The following CHRNB1 variants were observed in gnomAD, a reference collection of about 807,000 sequenced individuals.
The protein encoded by CHRNB1 is cholinergic receptor nicotinic beta 1 subunit.
CHRNB1 carries 47 observed loss-of-function variants against 53.8 expected under a neutral mutation model. That is an observed-to-expected ratio of 0.87 (90% CI 0.69 to 1.11). The LOEUF (loss-of-function observed/expected upper bound fraction) is 1.11, where lower values mean the gene tolerates loss of function less well. CHRNB1 is among the 50% of genes most tolerant of loss of function. CHRNB1 has a pLI of 0.00. For synonymous variants in CHRNB1, 259 were observed against 263.5 expected (o/e 0.98, Z 0.16); for missense variants, 605 against 654.9 (o/e 0.92, Z 0.83).
At chr17:7,448,835 C>T in intron 7 of CHRNB1, 47 bp downstream of exon 7, 1 of 1,586,100 alleles carries the variant, frequency 6.3e-7, no homozygotes, top group South Asian at 1.1e-5. Flanking sequence ...GGCTCAGCTT[C>T]TTACTCTTTA....
In CHRNB1 at chr17:7,445,777, G is replaced by A; in HGVS notation, c.199-292G>A. The stretch of plus-strand genomic sequence containing the variant: ...AATAAATGGCAGCGGGTGGAGGTTC[G>A]GGGCTGGGTGGATTATGAGCTGAAG... On this transcript the variant is annotated intron_variant, in intron 2 of 10. Coordinates refer to ENST00000306071, the MANE Select transcript of CHRNB1 (RefSeq NM_000747.3). This position sits in a 1 kb window ranked among gnomAD's most constrained non-coding sequence, Gnocchi z 5.7. 1.6e-6 allele frequency: 1 copy of A among 642,874 alleles called. No individual in the cohort carries two copies. Among genetic ancestry groups the A allele is most frequent in the Non-Finnish European group, 2.6e-6 (1 of 379,460 alleles). 39.8% of individuals were successfully genotyped at this position (642,874 alleles called of 1,614,324 possible). A position where few individuals can be genotyped will look rare whatever the true frequency, so the allele number is the denominator to read the frequency against.
rs747251351 is a variant in CHRNB1 at position 7,456,699 on chromosome 17, G to T, written c.1482G>T (p.Leu494Phe). 1.2e-6 allele frequency: 2 copies of T among 1,614,018 alleles called. No individual in the cohort carries two copies. Among genetic ancestry groups the T allele is most frequent in the African/African-American group, 2.7e-5 (2 of 74,896 alleles). Reference sequence around the variant, plus strand: ...TCTTCCTGGACGCCACGTACCACTTGCCCCCTCCAGACCCCTTTCCTTGAA... The same window carrying T: ...TCTTCCTGGACGCCACGTACCACTTTCCCCCTCCAGACCCCTTTCCTTGAA... The part of the protein sequence containing the change: ...LVIFLDATYH[L>F]PPPDPFP Residue 494 changes from leucine to phenylalanine, a missense_variant, in exon 11 of 11, where the codon TTG (leucine) becomes TTT (phenylalanine). Coordinates refer to ENST00000306071, the MANE Select transcript of CHRNB1 (RefSeq NM_000747.3).
Position 7,445,959 on chromosome 17 carries a change from TG to T in CHRNB1, c.199-106del. ...GGAGGTGGACTTGGACCCGAGAGGA[TG>T]GGGCTCAGAAAAAGGGGGCGGCGTT... On this transcript the variant is annotated intron_variant, in intron 2 of 10. Coordinates refer to ENST00000306071, the MANE Select transcript of CHRNB1 (RefSeq NM_000747.3). This position sits in a 1 kb window ranked among gnomAD's most constrained non-coding sequence, Gnocchi z 5.7. The T allele has an allele frequency of 2.1e-6, 2 of 950,688 alleles. No individual in the cohort carries two copies. Among genetic ancestry groups the T allele is most frequent in the Non-Finnish European group, 3.4e-6 (2 of 580,970 alleles). The allele number at this position is 950,688 out of a possible 1,614,324, so 58.9% of individuals were successfully genotyped here.
At position 7,455,423 on chromosome 17, in the gene CHRNB1, C is replaced by T. The variant is rs1597755005; in HGVS notation, c.1184C>T (p.Pro395Leu). ...RGTDEYFIRK[P>L]PSDFLFPKPN... The stretch of plus-strand genomic sequence containing the variant: ...ACAGATGAATATTTCATCCGGAAGC[C>T]GCCAAGTGATTTTCTCTTCCCCAAA... The change falls in exon 9 of 11, where the codon CCG becomes CTG. Residue 395 changes from proline to leucine, a missense_variant. Coordinates refer to ENST00000306071, the MANE Select transcript of CHRNB1 (RefSeq NM_000747.3). 1 of 1,614,110 alleles carries T rather than the reference C, an allele frequency of 6.2e-7. No individual in the cohort carries two copies. Among genetic ancestry groups the T allele is most frequent in the African/African-American group, 1.3e-5 (1 of 75,002 alleles).
chr17:7,451,309 C>T (rs867613991), intron 7 of CHRNB1, among the ~76,000 whole-genome samples: 1 of 120,824 alleles, frequency 8.3e-6, no homozygotes, highest in Admixed American at 1.1e-4. Context: ...CAGAGTCTTG[C>T]TCTGTCTCCC....
At chr17:7,448,456 GT>G in intron 6 of CHRNB1, 122 bp from the exon 7 acceptor site, 1 of 857,276 alleles carries the variant, frequency 1.2e-6, no homozygotes, top group Non-Finnish European at 1.9e-6. Context: ...ACTCAGCCCA[GT>G]TTTCACAGCT....
chr17:7,450,193 G>GA (rs1296371908), intron 7 of CHRNB1, among the ~76,000 whole-genome samples: 1 of 150,432 alleles, frequency 6.6e-6, no homozygotes, highest in Non-Finnish European at 1.5e-5. Context: ...GCCCAGGCTG[G>GA]AATGCAGTGG....
chr17:7,447,349 C>A (rs997917793), intron 5 of CHRNB1, 154 bp from the exon 6 acceptor site: 4 of 968,806 alleles, frequency 4.1e-6, no homozygotes, highest in Non-Finnish European at 6.4e-6. Flanking sequence ...ACTCAGTGAC[C>A]GCCCTCCCCA....
Position 7,457,003 on chromosome 17 carries a change from T to C in CHRNB1, c.*280T>C. The stretch of plus-strand genomic sequence containing the variant: ...AATAGAACACAGAACAGGAACTAGA[T>C]TATAAGCCTTATGAGGTCAAGAAAT... On this transcript the variant is annotated 3_prime_UTR_variant, in exon 11 of 11. Transcript: ENST00000306071. The C allele has an allele frequency of 2.2e-6, 1 of 462,690 alleles. No homozygotes were observed. Among genetic ancestry groups the C allele is most frequent in the Non-Finnish European group, 4.0e-6 (1 of 251,320 alleles). The allele number at this position is 462,690 out of a possible 1,614,324, so 28.7% of individuals were successfully genotyped here. A position where few individuals can be genotyped will look rare whatever the true frequency, so the allele number is the denominator to read the frequency against.
intron 4 of CHRNB1, 50 bp downstream of exon 4, chr17:7,446,992 G>A (rs368014931): frequency 6.2e-7 from 1 of 1,604,832 alleles, no homozygotes; most frequent in African/African-American, 1.3e-5. Flanking sequence ...TCGGGGGGCG[G>A]GGGGCCTCCG....
At position 7,445,269 on chromosome 17, in the gene CHRNB1, G is replaced by T; in HGVS notation, c.59-1G>T. On this transcript the variant is annotated splice_acceptor_variant, in intron 1 of 10. Transcript: ENST00000306071. LOFTEE classifies it high-confidence loss of function. This position sits in a 1 kb window ranked among gnomAD's most constrained non-coding sequence, Gnocchi z 5.7. Reference sequence around the variant, plus strand: ...GCTGCACTTATTCTCTCCTCCCCCAGGCGTCCGCGGCTCGGAGGCGGAGGG... The same window carrying T: ...GCTGCACTTATTCTCTCCTCCCCCATGCGTCCGCGGCTCGGAGGCGGAGGG... 6.2e-7 allele frequency: 1 copy of T among 1,612,904 alleles called. No individual in the cohort carries two copies. The highest frequency in any genetic ancestry group is 8.5e-7 in the Non-Finnish European group (1 of 1,179,756).
rs779173795 is a variant in CHRNB1, at chr17:7,447,121, G to A, written c.432G>A (p.Pro144=). The stretch of plus-strand genomic sequence containing the variant: ...ACGGCTCCGTGCGTTGGCAACCCCC[G>A]GGCATCTATCGCAGCAGCTGCAGCA... ...SSDGSVRWQP[P]GIYRSSCSIQ... Residue 144 remains proline, a synonymous_variant, in exon 5 of 11, where the codon CCG becomes CCA. Transcript: ENST00000306071. 12 of 1,613,948 alleles carry A rather than the reference G, an allele frequency of 7.4e-6. No homozygotes were observed. Among genetic ancestry groups the A allele is most frequent in the Non-Finnish European group, 9.3e-6 (11 of 1,180,002 alleles).
intron 6 of CHRNB1, among the ~76,000 whole-genome samples, 172 bp downstream of exon 6, chr17:7,447,822 A>G (rs752533559): frequency 6.6e-6 from 1 of 152,132 alleles, no homozygotes; most frequent in Admixed American, 6.5e-5. Context: ...TCATGCCTGC[A>G]ATCCCAGTAC....
At chr17:7,454,610 A>C in intron 8 of CHRNB1, 90 bp downstream of exon 8, 1 of 1,044,328 alleles carries the variant, frequency 9.6e-7, no homozygotes, top group Middle Eastern at 2.8e-4. Flanking sequence ...GAAGTGTCCA[A>C]GCTTGTTGAG....
At chr17:7,450,142 T>C (rs1908833081) in intron 7 of CHRNB1, among the ~76,000 whole-genome samples, 2 of 148,726 alleles carry the variant, frequency 1.3e-5, no homozygotes, top group African/African-American at 4.9e-5. Flanking sequence ...GGCAAATTCC[T>C]TAATCTTTTT....
chr17:7,456,485 T>A, intron 10 of CHRNB1, 98 bp from the exon 11 acceptor site: 1 of 1,512,828 alleles, frequency 6.6e-7, no homozygotes, highest in Non-Finnish European at 9.1e-7. Context: ...CTCAAACCAG[T>A]GGTAGGAGGA....
In CHRNB1 at chr17:7,456,030, T is replaced by G. The variant is rs577016971; in HGVS notation, c.1365+89T>G. On this transcript the variant is annotated intron_variant, in intron 10 of 10. Coordinates refer to ENST00000306071, the MANE Select transcript of CHRNB1 (RefSeq NM_000747.3). ...GCACCAGCACTCGCTTTCGTTTTTT[T>G]TGTGTGGTTTTTTTTTGGCTTTTTT... The G allele has an allele frequency of 8.7e-5, 107 of 1,225,046 alleles. No individual in the cohort carries two copies. In the African/African-American group the frequency reaches 1.1e-3, roughly 12 times the overall value. The allele number at this position is 1,225,046 out of a possible 1,614,324, so 75.9% of individuals were successfully genotyped here. A position where few individuals can be genotyped will look rare whatever the true frequency, so the allele number is the denominator to read the frequency against.
intron 5 of CHRNB1, 131 bp from the exon 6 acceptor site, chr17:7,447,372 T>C (rs1908684346): frequency 8.7e-7 from 1 of 1,148,066 alleles, no homozygotes; most frequent in Non-Finnish European, 1.3e-6. Flanking sequence ...CCTCCCCCAT[T>C]AATGGCTTCC....
chr17:7,455,969 C>T, intron 10 of CHRNB1, 28 bp downstream of exon 10: 2 of 1,612,888 alleles, frequency 1.2e-6, no homozygotes, highest in Non-Finnish European at 1.7e-6. Context: ...GGAACAAGGC[C>T]AGGTCTAGGC....
Sources: allele counts gnomAD v4.1 joint callset (sites outside exome capture counted in the v4.1 genomes callset), GRCh38; gene constraint gnomAD v4.1.1; non-coding constraint Gnocchi (gnomAD v3.1); transcripts MANE v1.5; gene names NCBI Gene and HGNC (gene_info 2026-07-23, HGNC 2026-07-21).